The following ZNF518A variants were observed in gnomAD, a reference collection of about 807,000 sequenced individuals.
The protein encoded by ZNF518A is zinc finger protein 518.
Under a neutral mutation model 102.7 loss-of-function variants are expected in ZNF518A, and 47 were observed. The observed-to-expected ratio is 0.46, with a 90% CI of 0.36 to 0.58. The LOEUF (loss-of-function observed/expected upper bound fraction) is 0.58, where lower values mean the gene tolerates loss of function less well. Ranked by LOEUF, ZNF518A falls within the 20% of genes least tolerant of loss-of-function variation. ZNF518A has a pLI of 0.00. For synonymous variants in ZNF518A, 652 were observed against 594.6 expected, an observed-to-expected ratio of 1.10 and a Z score of -1.40; for missense variants, 1,793 against 1,699.8, an observed-to-expected ratio of 1.05 and a Z score of -0.96.
At chr10:96,148,738 C>T (rs587749763) in intron 3 of ZNF518A, among the ~76,000 whole-genome samples, 6 of 152,236 alleles carry the variant, frequency 3.9e-5, no homozygotes, top group East Asian at 3.9e-4. Context: ...TTTTTTGAGA[C>T]GGAGTCTCGC....
chr10:96,162,583 G>C lies in ZNF518A; in HGVS notation c.*1809G>C, dbSNP rs1554888610. 6.0e-6 allele frequency: 1 copy of C among 166,718 alleles called. No individual in the cohort carries two copies. The highest frequency in any genetic ancestry group is 1.5e-5 in the Non-Finnish European group (1 of 68,016). The allele number at this position is 166,718 out of a possible 1,614,324, so 10.3% of individuals were successfully genotyped here. A position where few individuals can be genotyped will look rare whatever the true frequency, so the allele number is the denominator to read the frequency against. ...TAGTGAAGTATTTTTTGTATAAAAT[G>C]TTACAATTGTGTTTCTTAAATTGAG... On this transcript the variant is annotated 3_prime_UTR_variant, in exon 6 of 6. Transcript: ENST00000316045.
chr10:96,133,596 T>C lies in ZNF518A; in HGVS notation c.-354T>C, dbSNP rs1291134932. The C allele has an allele frequency of 6.6e-6, 1 of 152,204 alleles. No individual in the cohort carries two copies. Among genetic ancestry groups the C allele is most frequent in the East Asian group, 1.9e-4 (1 of 5,206 alleles). 9.4% of individuals were successfully genotyped at this position (152,204 alleles called of 1,614,324 possible). A position where few individuals can be genotyped will look rare whatever the true frequency, so the allele number is the denominator to read the frequency against. On this transcript the variant is annotated 5_prime_UTR_variant, in exon 3 of 6. Coordinates refer to ENST00000316045, the MANE Select transcript of ZNF518A (RefSeq NM_001330736.2). ...TGTGTTGGATAGGTCCTGGGATCTT[T>C]GAAATGCTAAGATTCTTGGATACCA...
chr10:96,156,204 A>T lies in ZNF518A; in HGVS notation c.-119A>T. 2 of 887,732 alleles carry T rather than the reference A, an allele frequency of 2.3e-6. No individual in the cohort carries two copies. The highest frequency in any genetic ancestry group is 1.6e-6 in the Non-Finnish European group (1 of 635,138). The allele number at this position is 887,732 out of a possible 1,614,324, so 55.0% of individuals were successfully genotyped here. ...TTCTTTGTTTAATTTTAGGTGAGTTATTGTGGGAAAAATCCTGTATATTGA... is the reference window on the plus strand; with the variant it reads ...TTCTTTGTTTAATTTTAGGTGAGTTTTTGTGGGAAAAATCCTGTATATTGA... On this transcript the variant is annotated 5_prime_UTR_variant, in exon 6 of 6. Transcript: ENST00000316045.
intron 1 of ZNF518A, among the ~76,000 whole-genome samples, chr10:96,182,450 A>G (rs587647379): frequency 2.0e-5 from 3 of 152,318 alleles, no homozygotes; most frequent in East Asian, 1.9e-4. Flanking sequence ...CCCATTCAGT[A>G]TGATGGTGGC....
At position 96,160,840 on chromosome 10, in the gene ZNF518A, C is replaced by T. The variant is rs1368562236; in HGVS notation, c.*66C>T. ...TAGAAGAAAACAACGGGTTCAGTTA[C>T]CATAATGCAGACATTTTCTACTTCA... On this transcript the variant is annotated 3_prime_UTR_variant, in exon 6 of 6. Transcript: ENST00000316045. The T allele has an allele frequency of 4.2e-6, 6 of 1,422,692 alleles. No individual in the cohort carries two copies. Among genetic ancestry groups the T allele is most frequent in the Non-Finnish European group, 5.6e-6 (6 of 1,080,304 alleles). 88.1% of individuals were successfully genotyped at this position (1,422,692 alleles called of 1,614,324 possible). A position where few individuals can be genotyped will look rare whatever the true frequency, so the allele number is the denominator to read the frequency against.
chr10:96,167,984 T>G (rs2083152241), downstream of ZNF518A, among the ~76,000 whole-genome samples: 1 of 152,272 alleles, frequency 6.6e-6, no homozygotes, highest in Non-Finnish European at 1.5e-5. Flanking sequence ...ATGAAAAATT[T>G]GCTCTATATG....
intron 4 of ZNF518A, chr10:96,155,691 G>A (rs2082665307): frequency 6.6e-6 from 1 of 152,108 alleles, no homozygotes; most frequent in Admixed American, 6.5e-5. Context: ...TATCCCTGAG[G>A]AACTAAGGAA....
intron 1 of ZNF518A, among the ~76,000 whole-genome samples, chr10:96,176,725 A>AT (rs1445836457): frequency 6.6e-6 from 1 of 152,164 alleles, no homozygotes; most frequent in Non-Finnish European, 1.5e-5. Flanking sequence ...GTGAAACTCC[A>AT]TCTCTACTAA....
At chr10:96,146,505 T>A (rs2082180566) in intron 3 of ZNF518A, among the ~76,000 whole-genome samples, 2 of 132,356 alleles carry the variant, frequency 1.5e-5, no homozygotes, top group Non-Finnish European at 3.1e-5. Flanking sequence ...TTTCTTGTTT[T>A]TATTTGTTTT....
At chr10:96,145,501 T>C (rs1235836466) in intron 3 of ZNF518A, among the ~76,000 whole-genome samples, 1 of 152,240 alleles carries the variant, frequency 6.6e-6, no homozygotes, top group African/African-American at 2.4e-5. Context: ...ACACTTCTCT[T>C]ATAGCATGAA....
In ZNF518A at chr10:96,130,677, A is replaced by ATGGTCAT. The variant is rs2081284812; in HGVS notation, c.-524_-518dup. On this transcript the variant is annotated 5_prime_UTR_variant, in exon 1 of 6. It removes the in-frame stop codon of an upstream open reading frame in the 5' UTR. Coordinates refer to ENST00000316045, the MANE Select transcript of ZNF518A (RefSeq NM_001330736.2). ...GGCGTCCCTATTGCTGGCCCAGCGT[A>ATGGTCAT]TGGTCATTGGGGGCCATTTCTTGCA... The ATGGTCAT allele has an allele frequency of 6.6e-6, 1 of 152,364 alleles. No homozygotes were observed. Among genetic ancestry groups the ATGGTCAT allele is most frequent in the Non-Finnish European group, 1.5e-5 (1 of 68,190 alleles). 9.4% of individuals were successfully genotyped at this position (152,364 alleles called of 1,614,324 possible).
chr10:96,191,336 CT>C (rs770798213), intron 1 of ZNF518A, among the ~76,000 whole-genome samples: 86 of 144,036 alleles, frequency 6.0e-4, no homozygotes, highest in Admixed American at 2.0e-3. Context: ...AGTTTAGGTT[CT>C]ATTTGATAGA....
rs114690588 is a variant in ZNF518A, at chr10:96,151,168, C to A, written c.-301-4158C>A. ...GCTGCTGCATCCAGTGATGTTTCTGCCTACTTATCTTTTTTGTTGGCATTG... is the reference window on the plus strand; with the variant it reads ...GCTGCTGCATCCAGTGATGTTTCTGACTACTTATCTTTTTTGTTGGCATTG... On this transcript the variant is annotated intron_variant, in intron 3 of 5. Transcript: ENST00000316045. 5.3e-3 allele frequency among the ~76,000 whole-genome samples: 803 copies of A among 152,194 alleles called. 3 individuals carry two copies. The highest frequency in any genetic ancestry group is 0.019 in the African/African-American group (769 of 41,512).
intron 1 of ZNF518A, among the ~76,000 whole-genome samples, chr10:96,191,448 T>C (rs1554893416): frequency 1.3e-5 from 2 of 152,012 alleles, no homozygotes; most frequent in African/African-American, 4.8e-5. Context: ...TATATATATA[T>C]CCCATGGTTG....
At chr10:96,169,977 C>T (rs1554890720) in intron 1 of ZNF518A, among the ~76,000 whole-genome samples, 1 of 152,186 alleles carries the variant, frequency 6.6e-6, no homozygotes, top group African/African-American at 2.4e-5. Flanking sequence ...ATAAATCTTC[C>T]AGTGTTTGCT....
At chr10:96,145,038 T>C (rs370047333) in intron 3 of ZNF518A, among the ~76,000 whole-genome samples, 19 of 145,728 alleles carry the variant, frequency 1.3e-4, no homozygotes, top group African/African-American at 4.5e-4. Context: ...GAATACCATT[T>C]GTTTTCGTAT....
At position 96,157,712 on chromosome 10, in the gene ZNF518A, A is replaced by G; in HGVS notation, c.1390A>G (p.Lys464Glu). The G allele has an allele frequency of 6.2e-7, 1 of 1,613,956 alleles. No individual in the cohort carries two copies. Among genetic ancestry groups the G allele is most frequent in the Non-Finnish European group, 8.5e-7 (1 of 1,179,806 alleles). Reference protein sequence around the residue: ...QHIVLKLVPIKQNVCSPGSQS... With the variant: ...QHIVLKLVPIEQNVCSPGSQS... ...TATTGTATTAAAATTGGTGCCTATC[A>G]AACAAAATGTATGTTCACCAGGCTC... The change falls in exon 6 of 6, where the codon AAA (lysine) becomes GAA (glutamate). Residue 464 changes from lysine (K) to glutamate (E), a missense_variant. Physicochemically the swap from Lys to Glu is moderately conservative, Grantham distance 56. Transcript: ENST00000316045.
At chr10:96,170,444 T>G (rs1355595109) in intron 1 of ZNF518A, among the ~76,000 whole-genome samples, 3 of 152,204 alleles carry the variant, frequency 2.0e-5, no homozygotes, top group African/African-American at 7.2e-5. Context: ...TTGAAGACTG[T>G]TCTTCCTCTA....
Position 96,200,859 on chromosome 10 carries a change from A to C in ZNF518A, n.36-2715A>C, listed in dbSNP as rs2083613777. 2 of 928,386 alleles carry C rather than the reference A, an allele frequency of 2.2e-6. No individual in the cohort carries two copies. The highest frequency in any genetic ancestry group is 3.6e-6 in the Non-Finnish European group (2 of 560,892). 57.5% of individuals were successfully genotyped at this position (928,386 alleles called of 1,614,324 possible). On this transcript the variant is annotated intron_variant and non_coding_transcript_variant, in intron 1 of 2. Transcript: ENST00000442635. This position sits in a 1 kb window ranked among gnomAD's most constrained non-coding sequence, Gnocchi z 4.3. Reference sequence around the variant, plus strand: ...TCCCTATTACCAAATGACAGTTCACATAATGATGTAAAATACAGTCTCTGT... The same window carrying C: ...TCCCTATTACCAAATGACAGTTCACCTAATGATGTAAAATACAGTCTCTGT...
Sources: gnomAD v4.1 joint callset for allele counts (sites outside exome capture counted in the v4.1 genomes callset) on GRCh38, gnomAD v4.1.1 for gene constraint, Gnocchi (gnomAD v3.1) non-coding constraint, MANE v1.5 for transcripts, NCBI Gene and HGNC (gene_info 2026-07-23, HGNC 2026-07-21) for gene names.